NRCAM: variants seen among roughly 807,000 people sequenced by gnomAD.
NRCAM encodes neuronal cell adhesion molecule.
In NRCAM, 83 loss-of-function variants were observed where a neutral mutation model predicts 156.5. The observed-to-expected ratio is 0.53, with a 90% CI of 0.44 to 0.64. The LOEUF (loss-of-function observed/expected upper bound fraction) is 0.64. NRCAM is among the 30% of genes least tolerant of loss of function. NRCAM has a pLI of 0.00. For synonymous variants in NRCAM, 538 were observed against 563.9 expected (o/e 0.95, Z 0.65); for missense variants, 1,417 against 1,597.3 (o/e 0.89, Z 1.92).
intron 4 of NRCAM, among the ~76,000 whole-genome samples, chr7:108,239,482 C>T (rs1329352735): frequency 5.9e-5 from 9 of 152,078 alleles, no homozygotes; most frequent in African/African-American, 1.7e-4. Context: ...TTAGGGATTC[C>T]GAGGGGCATG....
chr7:108,362,853 A>G (rs2099568366), intron 2 of NRCAM, among the ~76,000 whole-genome samples: 14 of 152,220 alleles, frequency 9.2e-5, no homozygotes, highest in Admixed American at 9.2e-4. Flanking sequence ...AAAAAAAACT[A>G]GTAGCAGTGA....
intron 13 of NRCAM, among the ~76,000 whole-genome samples, chr7:108,201,526 C>T (rs2078122723): frequency 6.6e-6 from 1 of 152,178 alleles, no homozygotes; most frequent in African/African-American, 2.4e-5. Context: ...CTTAACACTA[C>T]TGAACTGTAC....
chr7:108,450,328 T>C (rs1332411209), intron 1 of NRCAM, among the ~76,000 whole-genome samples: 1 of 151,912 alleles, frequency 6.6e-6, no homozygotes. Flanking sequence ...TGTTAAAAAT[T>C]ACCTTTTTCT....
At chr7:108,433,163 G>A (rs953385139) in intron 1 of NRCAM, among the ~76,000 whole-genome samples, 1 of 152,040 alleles carries the variant, frequency 6.6e-6, no homozygotes, top group African/African-American at 2.4e-5. Context: ...TAGAATCCCA[G>A]CTTGAAGGTC....
chr7:108,435,395 A>T (rs532318122), intron 1 of NRCAM, among the ~76,000 whole-genome samples: 1 of 152,218 alleles, frequency 6.6e-6, no homozygotes, highest in Non-Finnish European at 1.5e-5. Flanking sequence ...AAATAAGCAG[A>T]GTCTCAGAAA....
chr7:108,255,168 C>T (rs901469552), intron 3 of NRCAM, among the ~76,000 whole-genome samples: 25 of 115,582 alleles, frequency 2.2e-4, no homozygotes, highest in African/African-American at 9.4e-4. Flanking sequence ...TCCCTCTCCC[C>T]CTCCCCCCCC....
chr7:108,211,760 G>A (rs2084597974), intron 11 of NRCAM, among the ~76,000 whole-genome samples: 1 of 151,812 alleles, frequency 6.6e-6, no homozygotes, highest in Non-Finnish European at 1.5e-5. Context: ...AAGACCCAAA[G>A]AGAGTCTGAG....
In NRCAM at chr7:108,159,446, G is replaced by A. The variant is rs769717052; in HGVS notation, c.3677+17C>T. ...ATGTGGGCAGAGAAGATGAAGAGCA[G>A]AGAAGCAGGGGCTCACCTGTATTCT... On this transcript the variant is annotated intron_variant, in intron 32 of 32. Transcript: ENST00000379028. 1 of 1,608,236 alleles carries A rather than the reference G, an allele frequency of 6.2e-7. No homozygotes were observed.
At chr7:108,404,001 T>C (rs929286216) in intron 1 of NRCAM, among the ~76,000 whole-genome samples, 4 of 152,178 alleles carry the variant, frequency 2.6e-5, no homozygotes, top group Non-Finnish European at 4.4e-5. Context: ...CTGCTTTTCT[T>C]AGTTTTTCTG....
In NRCAM at chr7:108,213,638, A is replaced by G. The variant is rs1184886791; in HGVS notation, c.891-4033T>C. Among the ~76,000 whole-genome samples the G allele has an allele frequency of 2.0e-5, 3 of 152,228 alleles. No homozygotes were observed. The East Asian group carries it at 5.8e-4, about 29-fold the overall frequency. ...TAGCTATTTTTGTATCAGACAAAAC[A>G]AACTTTAAAGCAACAGCAGTTAAAA... On this transcript the variant is annotated intron_variant, in intron 11 of 32. Coordinates refer to ENST00000379028, the MANE Select transcript of NRCAM (RefSeq NM_001037132.4).
At chr7:108,258,124 G>T (rs2096753251) in intron 3 of NRCAM, among the ~76,000 whole-genome samples, 1 of 152,168 alleles carries the variant, frequency 6.6e-6, no homozygotes, top group South Asian at 2.1e-4. Flanking sequence ...GGAGGAGGTG[G>T]CTGTCTGTGT....
chr7:108,168,287 A>G lies in NRCAM; in HGVS notation c.3303T>C (p.Gly1101=), dbSNP rs189777765. The change falls in exon 29 of 33, where the codon GGT becomes GGC. Residue 1101 remains glycine, a synonymous_variant. Transcript: ENST00000379028. ...PEHVNFYVEY[G]VAGSKEEWRK... ...GAAATTGTTTCTTACTGCCTGCTAC[A>G]CCATATTCAACATAAAAGTTCACAT... 11 of 1,578,998 alleles carry G rather than the reference A, an allele frequency of 7.0e-6. No individual in the cohort carries two copies. The highest frequency in any genetic ancestry group is 9.4e-6 in the Non-Finnish European group (11 of 1,165,208).
At chr7:108,436,397 T>C (rs11761721) in intron 1 of NRCAM, among the ~76,000 whole-genome samples, 7 of 152,178 alleles carry the variant, frequency 4.6e-5, no homozygotes, top group Non-Finnish European at 1.0e-4. Context: ...ATTTTTAATT[T>C]TGTTTATGAT....
At chr7:108,319,276 G>A (rs1395229132) in intron 2 of NRCAM, among the ~76,000 whole-genome samples, 1 of 152,158 alleles carries the variant, frequency 6.6e-6, no homozygotes, top group Non-Finnish European at 1.5e-5. Context: ...AATACTTTCT[G>A]TGTCCTTGAA....
At chr7:108,276,039 C>A (rs928931852) in intron 3 of NRCAM, among the ~76,000 whole-genome samples, 3 of 152,028 alleles carry the variant, frequency 2.0e-5, no homozygotes, top group African/African-American at 7.2e-5. Flanking sequence ...TGTAGTTGTG[C>A]GGTTTTGAGT....
intron 3 of NRCAM, among the ~76,000 whole-genome samples, chr7:108,308,332 A>G (rs1410169248): frequency 6.6e-6 from 1 of 152,232 alleles, no homozygotes; most frequent in African/African-American, 2.4e-5. Context: ...TAATCCCAGA[A>G]AACAGTTAAG....
chr7:108,272,878 C>T (rs73199594), intron 3 of NRCAM, among the ~76,000 whole-genome samples: 6,496 of 152,028 alleles, frequency 0.043, 183 homozygotes, highest in South Asian at 0.12. Flanking sequence ...AGTATTTCTC[C>T]TAACGCTATC....
chr7:108,212,397 A>C (rs1245236096), intron 11 of NRCAM, among the ~76,000 whole-genome samples: 1 of 152,150 alleles, frequency 6.6e-6, no homozygotes, highest in East Asian at 1.9e-4. Flanking sequence ...CCAAGAAGAA[A>C]TCCCTGATTT....
At chr7:108,178,370 C>T (rs955211535) in intron 25 of NRCAM, 31 of 474,358 alleles carry the variant, frequency 6.5e-5, no homozygotes, top group Non-Finnish European at 1.1e-4. Context: ...TTTAGATGGA[C>T]TCAAACCTAA....
Sources: gnomAD v4.1 joint callset for allele counts (sites outside exome capture counted in the v4.1 genomes callset) on GRCh38, gnomAD v4.1.1 for gene constraint, MANE v1.5 for transcripts, NCBI Gene and HGNC (gene_info 2026-07-23, HGNC 2026-07-21) for gene names.